Variants in SLC4A3 observed in about 807,000 individuals in gnomAD.
SLC4A3 encodes solute carrier family 4 member 3.
SLC4A3 carries 47 observed loss-of-function variants against 114.2 expected under a neutral mutation model. The ratio of observed to expected loss-of-function variants is 0.41; its 90% CI spans 0.33 to 0.52. SLC4A3 has a LOEUF of 0.52. SLC4A3 is among the 20% of genes least tolerant of loss of function. The pLI, the probability that SLC4A3 is intolerant of heterozygous loss-of-function variation, is 0.21. For missense variants in SLC4A3, 1,312 were observed against 1,668.3 expected, an observed-to-expected ratio of 0.79 and a Z score of 3.72; for synonymous variants, 693 against 710.3, an observed-to-expected ratio of 0.98 and a Z score of 0.39.
intron 10 of SLC4A3, 68 bp downstream of exon 10, chr2:219,633,525 A>C: frequency 7.4e-7 from 1 of 1,353,446 alleles, no homozygotes; most frequent in Non-Finnish European, 9.9e-7. Context: ...GAGGTCATCG[A>C]CGACTTCACT....
Position 219,630,308 on chromosome 2 carries a change from C to G in SLC4A3, c.767C>G (p.Ala256Gly), listed in dbSNP as rs772225713. 15 of 1,612,092 alleles carry G rather than the reference C, an allele frequency of 9.3e-6. No individual in the cohort carries two copies. The South Asian group carries it at 1.6e-4, about 18-fold the overall frequency. ...GAGCAGCAGGTGCCCACAGATGAGG[C>G]GGAGGCCCAGATGCTGGGTTCTGCA... The part of the protein sequence containing the change: ...GPEQQVPTDE[A>G]EAQMLGSADL... The change falls in exon 6 of 23, where the codon GCG becomes GGG. Residue 256 changes from alanine (A) to glycine (G), a missense_variant. By Grantham distance (60) the Ala-to-Gly change is moderately conservative. Coordinates refer to ENST00000358055, the MANE Select transcript of SLC4A3 (RefSeq NM_005070.4). The surrounding 1 kb of genome is among the most constrained non-coding windows in gnomAD (Gnocchi z 6.9).
At position 219,636,896 on chromosome 2, in the gene SLC4A3, G is replaced by C. The variant is rs900196637; in HGVS notation, c.2535+22G>C. The stretch of plus-strand genomic sequence containing the variant: ...CAAGGTGGAGGTCCAGCGAGGTCTT[G>C]GGGGTGGCAGAGATGGAGGTGGACA... On this transcript the variant is annotated intron_variant, in intron 16 of 22. Coordinates refer to ENST00000358055, the MANE Select transcript of SLC4A3 (RefSeq NM_005070.4). The surrounding 1 kb of genome is among the most constrained non-coding windows in gnomAD (Gnocchi z 5.5). 7.5e-6 allele frequency: 12 copies of C among 1,598,436 alleles called. No individual in the cohort carries two copies. The highest frequency in any genetic ancestry group is 2.7e-5 in the African/African-American group (2 of 74,668).
Position 219,634,484 on chromosome 2 carries a change from G to A in SLC4A3, c.1626G>A (p.Leu542=). 1 of 1,614,202 alleles carries A rather than the reference G, an allele frequency of 6.2e-7. No individual in the cohort carries two copies. The highest frequency in any genetic ancestry group is 8.5e-7 in the Non-Finnish European group (1 of 1,180,038). ...AFVRLNEAVL[L]ESVLEVPVPV... ...TGCGTCTGAATGAGGCTGTACTCCT[G>A]GAGTCTGTGCTTGAGGTCCCTGTCC... is the stretch of plus-strand genomic sequence containing the variant. The change falls in exon 12 of 23, where the codon CTG becomes CTA. Residue 542 remains leucine (L), a synonymous_variant. Transcript: ENST00000358055.
At position 219,628,774 on chromosome 2, in the gene SLC4A3, C is replaced by T. The variant is rs1471573634; in HGVS notation, c.217+204C>T. ...GTCCGCCTGCCTGGGGAGGTGGGCC[C>T]CAGACCAGGGGAGATCTAGGGAGCT... On this transcript the variant is annotated intron_variant, in intron 3 of 22. Coordinates refer to ENST00000358055, the MANE Select transcript of SLC4A3 (RefSeq NM_005070.4). This position sits in a 1 kb window ranked among gnomAD's most constrained non-coding sequence, Gnocchi z 4.8. 1 of 649,286 alleles carries T rather than the reference C, an allele frequency of 1.5e-6. No homozygotes were observed. Among genetic ancestry groups the T allele is most frequent in the Non-Finnish European group, 2.6e-6 (1 of 385,736 alleles). 40.2% of individuals were successfully genotyped at this position (649,286 alleles called of 1,614,324 possible). A position where few individuals can be genotyped will look rare whatever the true frequency, so the allele number is the denominator to read the frequency against.
Position 219,628,257 on chromosome 2 carries a change from T to C in SLC4A3, c.52-148T>C. 1 of 927,828 alleles carries C rather than the reference T, an allele frequency of 1.1e-6. No individual in the cohort carries two copies. The highest frequency in any genetic ancestry group is 1.6e-6 in the Non-Finnish European group (1 of 627,466). The allele number at this position is 927,828 out of a possible 1,614,324, so 57.5% of individuals were successfully genotyped here. A position where few individuals can be genotyped will look rare whatever the true frequency, so the allele number is the denominator to read the frequency against. Reference sequence around the variant, plus strand: ...CTGGGAGCCCAGAGAGGGTGGTTTCTGGGATGCTGACACAGGCCTGGGAGC... The same window carrying C: ...CTGGGAGCCCAGAGAGGGTGGTTTCCGGGATGCTGACACAGGCCTGGGAGC... On this transcript the variant is annotated intron_variant, in intron 2 of 22. Transcript: ENST00000358055. This position sits in a 1 kb window ranked among gnomAD's most constrained non-coding sequence, Gnocchi z 4.8.
rs974909447 is a variant in SLC4A3, at chr2:219,631,223, C to T, written c.812-745C>T. 2.4e-6 allele frequency: 3 copies of T among 1,240,374 alleles called. No individual in the cohort carries two copies. The highest frequency in any genetic ancestry group is 3.1e-5 in the African/African-American group (2 of 64,046). The allele number at this position is 1,240,374 out of a possible 1,614,324, so 76.8% of individuals were successfully genotyped here. ...TCTGGTAGGGAGCGGAGGCCGAGGT[C>T]TCGGCCACCGGGAGAATGACGAGCC... On this transcript the variant is annotated intron_variant, in intron 6 of 22. Coordinates refer to ENST00000358055, the MANE Select transcript of SLC4A3 (RefSeq NM_005070.4). The surrounding 1 kb of genome is among the most constrained non-coding windows in gnomAD (Gnocchi z 6.3).
At position 219,637,542 on chromosome 2, in the gene SLC4A3, C is replaced by G; in HGVS notation, c.2536-39C>G. The G allele has an allele frequency of 1.7e-6, 2 of 1,160,818 alleles. No homozygotes were observed. The highest frequency in any genetic ancestry group is 2.4e-5 in the East Asian group (1 of 42,452). The allele number at this position is 1,160,818 out of a possible 1,614,324, so 71.9% of individuals were successfully genotyped here. A position where few individuals can be genotyped will look rare whatever the true frequency, so the allele number is the denominator to read the frequency against. On this transcript the variant is annotated intron_variant, in intron 16 of 22. Transcript: ENST00000358055. The surrounding 1 kb of genome is among the most constrained non-coding windows in gnomAD (Gnocchi z 4.6). ...GATGACGATGAAGTCAGGTCACCTGCCAGGTGAGTGACAAGGCATCCTTGT... is the reference window on the plus strand; with the variant it reads ...GATGACGATGAAGTCAGGTCACCTGGCAGGTGAGTGACAAGGCATCCTTGT...
chr2:219,633,454 G>A lies in SLC4A3; in HGVS notation c.1458G>A (p.Lys486=), dbSNP rs1217783534. 2 of 1,539,896 alleles carry A rather than the reference G, an allele frequency of 1.3e-6. No homozygotes were observed. Residue 486 remains lysine (K), a synonymous_variant, in exon 10 of 23, where the codon AAG becomes AAA. Coordinates refer to ENST00000358055, the MANE Select transcript of SLC4A3 (RefSeq NM_005070.4). ...TCTGGCCACATGACCCTGACGCCAA[G>A]GAGGTCAGTGCCCTTGCTTTGGCTT... is the stretch of plus-strand genomic sequence containing the variant. ...APLWPHDPDA[K]EKPLHMPGGD...
rs767827034 is a variant in SLC4A3 at position 219,630,113 on chromosome 2, TG to T, written c.612-38del. 3.7e-6 allele frequency: 6 copies of T among 1,608,624 alleles called. No homozygotes were observed. Among genetic ancestry groups the T allele is most frequent in the Non-Finnish European group, 5.1e-6 (6 of 1,177,028 alleles). ...AGGGACGGTGATGGAACCACCGACC[TG>T]GCCCTGTCAAGTCCAAGGCTGCTGT... On this transcript the variant is annotated intron_variant, in intron 5 of 22. Coordinates refer to ENST00000358055, the MANE Select transcript of SLC4A3 (RefSeq NM_005070.4). The surrounding 1 kb of genome is among the most constrained non-coding windows in gnomAD (Gnocchi z 6.9).
chr2:219,629,055 C>T (rs1224853747), intron 3 of SLC4A3, 89 bp from the exon 4 acceptor site: 23 of 1,440,662 alleles, frequency 1.6e-5, no homozygotes, highest in Admixed American at 2.6e-5. Flanking sequence ...CCCTTGTTTG[C>T]GGCCTTGAGC....
chr2:219,639,012 G>C lies in SLC4A3; in HGVS notation c.3023+143G>C, dbSNP rs1699225855. On this transcript the variant is annotated intron_variant, in intron 19 of 22. Transcript: ENST00000358055. This position sits in a 1 kb window ranked among gnomAD's most constrained non-coding sequence, Gnocchi z 5.9. ...AGCTGGTGGCAATCCTTGAGGAAGA[G>C]AGTGTGTGTGGAGGAGCTGGCAGGG... The C allele has an allele frequency of 2.1e-6, 2 of 932,030 alleles. No individual in the cohort carries two copies. Among genetic ancestry groups the C allele is most frequent in the African/African-American group, 1.6e-5 (1 of 61,796 alleles). 57.7% of individuals were successfully genotyped at this position (932,030 alleles called of 1,614,324 possible). A position where few individuals can be genotyped will look rare whatever the true frequency, so the allele number is the denominator to read the frequency against.
rs549866583 is a variant in SLC4A3, at chr2:219,637,263, G to A, written c.2536-318G>A. On this transcript the variant is annotated intron_variant, in intron 16 of 22. Transcript: ENST00000358055. This position sits in a 1 kb window ranked among gnomAD's most constrained non-coding sequence, Gnocchi z 4.6. ...GTTGTGTGTGATGTATGTGTTGTGT[G>A]TGTGTGCGTGTGTGTGCCTGTGTGT... Among the ~76,000 whole-genome samples the A allele has an allele frequency of 6.6e-6, 1 of 151,574 alleles. No homozygotes were observed. The highest frequency in any genetic ancestry group is 1.9e-4 in the East Asian group (1 of 5,152).
rs1698894175 is a variant in SLC4A3 at position 219,630,899 on chromosome 2, C to T, written c.811+547C>T. Among the ~76,000 whole-genome samples the T allele has an allele frequency of 6.6e-6, 1 of 152,160 alleles. No individual in the cohort carries two copies. The highest frequency in any genetic ancestry group is 1.5e-5 in the Non-Finnish European group (1 of 68,030). ...AGGCCAGGGGCATCACTGATCCCTC[C>T]CCCTCCTCCGAGCCACAGTGTGTGG... On this transcript the variant is annotated intron_variant, in intron 6 of 22. Transcript: ENST00000358055. The surrounding 1 kb of genome is among the most constrained non-coding windows in gnomAD (Gnocchi z 6.9).
rs770660991 is a variant in SLC4A3 at position 219,640,511 on chromosome 2, C to T, written c.3359C>T (p.Thr1120Met). 7 of 1,614,022 alleles carry T rather than the reference C, an allele frequency of 4.3e-6. No individual in the cohort carries two copies. Among genetic ancestry groups the T allele is most frequent in the South Asian group, 1.1e-5 (1 of 91,076 alleles). ...LFGIFLYMGV[T>M]SLSGIQLSQR... The stretch of plus-strand genomic sequence containing the variant: ...GGGATCTTCCTGTACATGGGGGTCA[C>T]GTCCCTGTCTGGTATCCAGCTGTCC... The change falls in exon 21 of 23, where the codon ACG (threonine) becomes ATG (methionine). Residue 1120 changes from threonine to methionine, a missense_variant. Around this residue, in one of 4 missense-constraint regions of SLC4A3, gnomAD observed 301 missense variants for 460.7 expected, o/e 0.65. Transcript: ENST00000358055.
Position 219,640,585 on chromosome 2 carries a change from C to T in SLC4A3, c.3433C>T (p.Pro1145Ser), listed in dbSNP as rs748621351. The T allele has an allele frequency of 6.2e-7, 1 of 1,613,758 alleles. No individual in the cohort carries two copies. The highest frequency in any genetic ancestry group is 1.1e-5 in the South Asian group (1 of 91,052). Residue 1145 changes from proline to serine, a missense_variant, in exon 21 of 23, where the codon CCC becomes TCC. Transcript: ENST00000358055. ...LMPAKHHPEQ[P>S]YVTKVKTWRM... is the part of the protein sequence containing the mutation. ...GCCGGCAAAACACCATCCTGAGCAG[C>T]CCTATGTGACCAAGGTAGGGCCGGG...
chr2:219,640,726 G>T, intron 21 of SLC4A3, 63 bp from the exon 22 acceptor site: 1 of 1,579,414 alleles, frequency 6.3e-7, no homozygotes. Context: ...AATTCCCCAC[G>T]ATGTGGGTGG....
Position 219,641,722 on chromosome 2 carries a change from A to G in SLC4A3, c.3693A>G (p.Pro1231=), listed in dbSNP as rs199760275. The change falls in exon 23 of 23, where the codon CCA becomes CCG. Residue 1231 remains proline, a synonymous_variant. Transcript: ENST00000358055. The surrounding 1 kb of genome is among the most constrained non-coding windows in gnomAD (Gnocchi z 4.0). ...ATGAGTACAATGAGCTGCACATGCC[A>G]GTGTGACCCTTGAAGACAGTGCCCC... The part of the protein sequence containing the change: ...GQDEYNELHM[P]V 4.3e-6 allele frequency: 7 copies of G among 1,613,530 alleles called. No individual in the cohort carries two copies. In the Admixed American group the frequency reaches 1.2e-4, roughly 27 times the overall value.
rs1699162131 is a variant in SLC4A3, at chr2:219,637,414, TC to T, written c.2536-166del. On this transcript the variant is annotated intron_variant, in intron 16 of 22. Transcript: ENST00000358055. This position sits in a 1 kb window ranked among gnomAD's most constrained non-coding sequence, Gnocchi z 4.6. ...TGTTGTGTGTGTTGTATGTGTGTGTTCTGTGTGTTCTGTGTGTTGTGTGTGT... is the reference window on the plus strand; with the variant it reads ...TGTTGTGTGTGTTGTATGTGTGTGTTTGTGTGTTCTGTGTGTTGTGTGTGT... Among the ~76,000 whole-genome samples the T allele has an allele frequency of 6.7e-6, 1 of 148,286 alleles. No homozygotes were observed. Among genetic ancestry groups the T allele is most frequent in the Non-Finnish European group, 1.5e-5 (1 of 65,928 alleles).
intron 12 of SLC4A3, 72 bp from the exon 13 acceptor site, chr2:219,635,199 C>T (rs1699072170): frequency 1.6e-6 from 2 of 1,240,290 alleles, no homozygotes; most frequent in Non-Finnish European, 2.3e-6. Context: ...TGACCCAACA[C>T]CCGCCTCAAG....
Sources: allele counts gnomAD v4.1 joint callset (sites outside exome capture counted in the v4.1 genomes callset), GRCh38; gene constraint gnomAD v4.1.1; regional missense constraint gnomAD v4.1.1; non-coding constraint Gnocchi (gnomAD v3.1); transcripts MANE v1.5; gene names NCBI Gene and HGNC (gene_info 2026-07-23, HGNC 2026-07-21).